The following TMCO6 variants were observed in gnomAD, a reference collection of about 807,000 sequenced individuals.
The protein encoded by TMCO6 is transmembrane and coiled-coil domains 6.
In TMCO6, 47 loss-of-function variants were observed where a neutral mutation model predicts 61.8. The ratio of observed to expected loss-of-function variants is 0.76; its 90% CI spans 0.60 to 0.97. The LOEUF is 0.97. Ranked by LOEUF, TMCO6 falls within the 50% of genes least tolerant of loss-of-function variation. The probability of loss-of-function intolerance (pLI) is 0.00; values close to 1 mark genes in which losing one functional copy is unlikely to be tolerated. For synonymous variants in TMCO6, 261 were observed against 254.2 expected (o/e 1.03, Z -0.25); for missense variants, 557 against 601.6 (o/e 0.93, Z 0.78).
chr5:140,622,725 A>C, the TMCO6 span, among the ~76,000 whole-genome samples: 2 of 51,594 alleles, frequency 3.9e-5, no homozygotes, highest in African/African-American at 1.3e-4. Context: ...CTTTAGCTAC[A>C]AAAAAAAAAA....
At chr5:140,618,575 T>C in the TMCO6 span, among the ~76,000 whole-genome samples, 1 of 152,224 alleles carries the variant, frequency 6.6e-6, no homozygotes, top group Admixed American at 6.5e-5. Flanking sequence ...GGGTTTGTTG[T>C]ACATATTATT....
chr5:140,625,844 T>C, the TMCO6 span, among the ~76,000 whole-genome samples: 11 of 152,086 alleles, frequency 7.2e-5, no homozygotes, highest in African/African-American at 2.7e-4. Context: ...TAGAATATGT[T>C]GGGGGTGATG....
At position 140,644,558 on chromosome 5, in the gene TMCO6, T is replaced by C. The variant is rs1561957692; in HGVS notation, c.1201-15T>C. ...TGTTTCATTCTTTGTAGACTATATA[T>C]GTGTCTATCTGCAGGTGCTCACAGT... On this transcript the variant is annotated splice_polypyrimidine_tract_variant and intron_variant, in intron 10 of 11. Coordinates refer to ENST00000394671, the MANE Select transcript of TMCO6 (RefSeq NM_018502.5). 1.2e-6 allele frequency: 2 copies of C among 1,612,172 alleles called. No homozygotes were observed. Among genetic ancestry groups the C allele is most frequent in the Non-Finnish European group, 1.7e-6 (2 of 1,178,772 alleles).
At chr5:140,633,000 C>G in the TMCO6 span, 12 of 1,613,986 alleles carry the variant, frequency 7.4e-6, no homozygotes, top group Admixed American at 2.0e-4. The surrounding 1 kb of genome is among the most constrained non-coding windows in gnomAD (Gnocchi z 6.2). Context: ...GAGCAGAGGT[C>G]TAGGAGGCCC....
chr5:140,640,294 C>G (rs1220550929), intron 2 of TMCO6, among the ~76,000 whole-genome samples: 6 of 152,190 alleles, frequency 3.9e-5, no homozygotes, highest in Non-Finnish European at 7.3e-5. Context: ...ACCCACCGTC[C>G]TCTTTTTAGT....
chr5:140,630,946 T>C, the TMCO6 span, among the ~76,000 whole-genome samples: 1 of 152,150 alleles, frequency 6.6e-6, no homozygotes, highest in Non-Finnish European at 1.5e-5. Flanking sequence ...AAGAAGGGGC[T>C]CAGAAGAAAC....
At chr5:140,631,824 G>GT in the TMCO6 span, 1 of 1,517,846 alleles carries the variant, frequency 6.6e-7, no homozygotes. Flanking sequence ...AGCCAAGGCA[G>GT]TTTGAGTCCA....
At chr5:140,645,933 C>T (rs1456914675), downstream of TMCO6, among the ~76,000 whole-genome samples, 1 of 151,630 alleles carries the variant, frequency 6.6e-6, no homozygotes, top group Non-Finnish European at 1.5e-5. Flanking sequence ...TTCGGGGGCA[C>T]TGTAGGCATT....
At chr5:140,610,137 T>C in the TMCO6 span, among the ~76,000 whole-genome samples, 1 of 134,432 alleles carries the variant, frequency 7.4e-6, no homozygotes, top group African/African-American at 2.8e-5. Flanking sequence ...TTGCCTGAGC[T>C]CAGGAGTTTG....
At chr5:140,644,874 A>T in intron 11 of TMCO6, 111 bp from the exon 12 acceptor site, 1 of 1,505,788 alleles carries the variant, frequency 6.6e-7, no homozygotes, top group Non-Finnish European at 9.1e-7. Context: ...CAGAAACTTC[A>T]TCCTCTTGTT....
chr5:140,602,135 A>G, the TMCO6 span, among the ~76,000 whole-genome samples: 7 of 152,208 alleles, frequency 4.6e-5, no homozygotes, highest in African/African-American at 1.7e-4. Context: ...TCTAGTACTC[A>G]GTATGAGAAT....
the TMCO6 span, chr5:140,632,143 G>A: frequency 1.2e-6 from 2 of 1,614,202 alleles, no homozygotes; most frequent in East Asian, 2.2e-5. This position sits in a 1 kb window ranked among gnomAD's most constrained non-coding sequence, Gnocchi z 6.2. Flanking sequence ...GACAGATTGA[G>A]GGAGTTCAGG....
the TMCO6 span, chr5:140,632,256 G>A: frequency 6.2e-7 from 1 of 1,613,692 alleles, no homozygotes; most frequent in Non-Finnish European, 8.5e-7. The surrounding 1 kb of genome is among the most constrained non-coding windows in gnomAD (Gnocchi z 6.2). Flanking sequence ...CGCCGCCAGT[G>A]CGGCGCACAC....
At chr5:140,599,735 T>C in the TMCO6 span, among the ~76,000 whole-genome samples, 1 of 152,088 alleles carries the variant, frequency 6.6e-6, no homozygotes, top group Admixed American at 6.6e-5. Flanking sequence ...ACCCCATCTC[T>C]ACTAAAAATA....
At position 140,641,675 on chromosome 5, in the gene TMCO6, TC is replaced by T; in HGVS notation, c.211del (p.Leu71CysfsTer47). ...TGCCCTGAACTCCAGGTGCAGCAGTTCCTGCGGCAAGCCCAGCGGGGGACAG... is the reference window on the plus strand; with the variant it reads ...TGCCCTGAACTCCAGGTGCAGCAGTTCTGCGGCAAGCCCAGCGGGGGACAG... ...AILGETEVQQFLRQAQRGTEE... is the reference protein window; with the variant it reads ...AILGETEVQQXLRQAQRGTEE... On this transcript the variant is annotated frameshift_variant, in exon 3 of 12. Transcript: ENST00000394671. LOFTEE classifies it high-confidence loss of function. The T allele has an allele frequency of 2.5e-6, 4 of 1,613,852 alleles. No individual in the cohort carries two copies. The highest frequency in any genetic ancestry group is 3.4e-6 in the Non-Finnish European group (4 of 1,179,938).
the TMCO6 span, among the ~76,000 whole-genome samples, chr5:140,605,738 C>G: frequency 5.2e-5 from 2 of 38,114 alleles, no homozygotes; most frequent in Admixed American, 2.7e-4. Flanking sequence ...CACACACACA[C>G]AAAGAAAGAA....
chr5:140,645,569 T>G (rs536634448), downstream of TMCO6: 6 of 1,614,076 alleles, frequency 3.7e-6, no homozygotes, highest in African/African-American at 8.0e-5. Flanking sequence ...CTGTTGCTCT[T>G]AATCCTCAGT....
chr5:140,625,339 G>A, the TMCO6 span, among the ~76,000 whole-genome samples: 2 of 152,170 alleles, frequency 1.3e-5, no homozygotes, highest in Admixed American at 6.5e-5. Context: ...CTTCACAGTG[G>A]CCTGTGAGCC....
chr5:140,619,204 C>T, the TMCO6 span, among the ~76,000 whole-genome samples: 1 of 152,120 alleles, frequency 6.6e-6, no homozygotes, highest in African/African-American at 2.4e-5. Flanking sequence ...ATACAGATGG[C>T]AAATAAGCAT....
Sources: allele counts gnomAD v4.1 joint callset (sites outside exome capture counted in the v4.1 genomes callset), GRCh38; gene constraint gnomAD v4.1.1; non-coding constraint Gnocchi (gnomAD v3.1); transcripts MANE v1.5; gene names NCBI Gene and HGNC (gene_info 2026-07-23, HGNC 2026-07-21).